Variants in METTL15 observed in about 807,000 individuals in gnomAD.
METTL15 encodes the protein 12S rRNA N(4)-cytidine methyltransferase METTL15.
Under a neutral mutation model 38.3 loss-of-function variants are expected in METTL15, and 34 were observed. The observed-to-expected ratio is 0.89, with a 90% CI of 0.68 to 1.18. The LOEUF (loss-of-function observed/expected upper bound fraction) is 1.18. Ranked by LOEUF, METTL15 falls within the 50% of genes most tolerant of loss-of-function variation. The pLI is 0.00. For synonymous variants in METTL15, 162 were observed against 170.9 expected (o/e 0.95, Z 0.41); for missense variants, 438 against 498.4 (o/e 0.88, Z 1.15).
chr11:28,445,018 G>A (rs1851063791), intron 6 of METTL15, among the ~76,000 whole-genome samples: 1 of 152,094 alleles, frequency 6.6e-6, no homozygotes, highest in Non-Finnish European at 1.5e-5. Context: ...GGTTAGAGAG[G>A]GGAAGGGGCA....
intron 6 of METTL15, among the ~76,000 whole-genome samples, chr11:28,444,634 A>T (rs777839920): frequency 6.6e-6 from 1 of 152,180 alleles, no homozygotes; most frequent in Non-Finnish European, 1.5e-5. Flanking sequence ...TTGAGCCTCC[A>T]TGTTTTCATC....
rs1554997839 is a variant in METTL15, at chr11:28,201,610, G to GGGGTGTGTGTGTGTGTGTGTGTGT, written c.271-9451_271-9450insGGTGTGTGTGTGTGTGTGTGTGTG. Among the ~76,000 whole-genome samples the GGGGTGTGTGTGTGTGTGTGTGTGT allele has an allele frequency of 9.1e-4, 133 of 145,654 alleles. 3 individuals are homozygous for GGGGTGTGTGTGTGTGTGTGTGTGT. The highest frequency in any genetic ancestry group is 2.2e-3 in the East Asian group (11 of 4,910). On this transcript the variant is annotated intron_variant, in intron 3 of 6. Coordinates refer to ENST00000407364, the MANE Select transcript of METTL15 (RefSeq NM_001113528.2). Reference sequence around the variant, plus strand: ...CTTCTTCCTGGTTTAGTCTTGGGAGGGTGTGTGTGTGTGTCCAGGAATTTA... The same window carrying GGGGTGTGTGTGTGTGTGTGTGTGT: ...CTTCTTCCTGGTTTAGTCTTGGGAGGGGGTGTGTGTGTGTGTGTGTGTGTGTGTGTGTGTGTGTCCAGGAATTTA...
intron 5 of METTL15, among the ~76,000 whole-genome samples, chr11:28,382,875 T>C (rs567855022): frequency 6.6e-6 from 1 of 151,884 alleles, no homozygotes; most frequent in Admixed American, 6.6e-5. Context: ...TATGCCTTCT[T>C]GGAGTTTTTG....
chr11:28,245,759 G>A (rs1261133373), intron 4 of METTL15, among the ~76,000 whole-genome samples: 1 of 152,146 alleles, frequency 6.6e-6, no homozygotes, highest in African/African-American at 2.4e-5. Flanking sequence ...TTACAGTCAT[G>A]GCGAAAGGTG....
At chr11:28,515,617 G>C (rs1029254262) in intron 6 of METTL15, among the ~76,000 whole-genome samples, 1 of 152,152 alleles carries the variant, frequency 6.6e-6, no homozygotes, top group Non-Finnish European at 1.5e-5. Context: ...TGCCTACTTT[G>C]CACTATAAAG....
intron 6 of METTL15, among the ~76,000 whole-genome samples, chr11:28,499,311 A>G (rs2133488625): frequency 6.6e-6 from 1 of 152,332 alleles, no homozygotes; most frequent in South Asian, 2.1e-4. Context: ...ATACATGCAC[A>G]CACACTCATA....
At chr11:28,490,096 A>G (rs4075635) in intron 6 of METTL15, among the ~76,000 whole-genome samples, 37,177 of 151,978 alleles carry the variant, frequency 0.24, 4,752 homozygotes, top group Middle Eastern at 0.28. Flanking sequence ...GGAGTGAGGA[A>G]GATCAGTTTT....
intron 6 of METTL15, among the ~76,000 whole-genome samples, chr11:28,430,045 C>G (rs1419797963): frequency 5.5e-5 from 8 of 145,388 alleles, no homozygotes; most frequent in Non-Finnish European, 9.1e-5. Flanking sequence ...TCTGCCCGGC[C>G]GAGACCCCAT....
intron 6 of METTL15, among the ~76,000 whole-genome samples, chr11:28,464,321 A>T (rs896494879): frequency 6.6e-6 from 1 of 152,334 alleles, no homozygotes; most frequent in East Asian, 1.9e-4. Context: ...TTCTGAAAAA[A>T]GCCAAATAGT....
chr11:28,343,693 G>A (rs1849974255), intron 3 of METTL15, among the ~76,000 whole-genome samples: 1 of 152,112 alleles, frequency 6.6e-6, no homozygotes, highest in African/African-American at 2.4e-5. Flanking sequence ...ATTTAAAGTT[G>A]TATTTGTGCA....
At chr11:28,475,271 A>C (rs1851336281) in intron 6 of METTL15, among the ~76,000 whole-genome samples, 3 of 152,232 alleles carry the variant, frequency 2.0e-5, no homozygotes, top group Non-Finnish European at 4.4e-5. Context: ...ATTCATGTTG[A>C]TACTCTAAAT....
intron 4 of METTL15, among the ~76,000 whole-genome samples, chr11:28,235,236 G>C (rs1015790859): frequency 6.6e-6 from 1 of 151,998 alleles, no homozygotes; most frequent in African/African-American, 2.4e-5. Flanking sequence ...AAGTCAGGTA[G>C]CGTGATGCCT....
intron 3 of METTL15, among the ~76,000 whole-genome samples, chr11:28,186,832 A>T (rs1243862961): frequency 6.6e-6 from 1 of 151,094 alleles, no homozygotes; most frequent in Non-Finnish European, 1.5e-5. Context: ...TGTATCTGTT[A>T]ATAGCAAGAG....
intron 5 of METTL15, among the ~76,000 whole-genome samples, chr11:28,421,931 T>TATAC (rs1850824117): frequency 6.6e-6 from 1 of 151,986 alleles, no homozygotes; most frequent in Non-Finnish European, 1.5e-5. Flanking sequence ...ATCTTATATT[T>TATAC]GGAATACCGT....
intron 4 of METTL15, among the ~76,000 whole-genome samples, chr11:28,267,691 T>A (rs893698214): frequency 1.6e-4 from 24 of 152,256 alleles, no homozygotes; most frequent in Non-Finnish European, 3.1e-4. Flanking sequence ...CTTCTCTACG[T>A]ATACCAATGA....
At chr11:28,231,055 A>G (rs953746032) in intron 4 of METTL15, among the ~76,000 whole-genome samples, 4 of 151,934 alleles carry the variant, frequency 2.6e-5, no homozygotes, top group African/African-American at 9.7e-5. Context: ...TTTGAGGAAT[A>G]TACATTCTTA....
intron 5 of METTL15, among the ~76,000 whole-genome samples, chr11:28,378,312 C>A (rs547069533): frequency 6.6e-6 from 1 of 152,208 alleles, no homozygotes; most frequent in Non-Finnish European, 1.5e-5. Flanking sequence ...AGCGATACTC[C>A]GTGGGGTAGG....
intron 3 of METTL15, chr11:28,145,600 C>T (rs10835276): frequency 0.38 from 57,443 of 151,756 alleles, 12,464 homozygotes; most frequent in African/African-American, 0.59. Context: ...TTCCCTGCAA[C>T]GAGTGGTCTT....
At chr11:28,212,351 T>TA (rs1193889279) in intron 4 of METTL15, among the ~76,000 whole-genome samples, 1 of 152,164 alleles carries the variant, frequency 6.6e-6, no homozygotes, top group Non-Finnish European at 1.5e-5. Flanking sequence ...TTTAATATTT[T>TA]AAATCTATCT....
Sources: gnomAD v4.1 joint callset for allele counts (sites outside exome capture counted in the v4.1 genomes callset) on GRCh38, gnomAD v4.1.1 for gene constraint, MANE v1.5 for transcripts, NCBI Gene and HGNC (gene_info 2026-07-23, HGNC 2026-07-21) for gene names.